Variants in H1-8 observed in about 807,000 individuals in gnomAD.
H1-8 encodes the protein histone H1.8.
H1-8 carries 13 observed loss-of-function variants against 19.5 expected under a neutral mutation model. That is an observed-to-expected ratio of 0.67 (90% CI 0.43 to 1.06). The LOEUF is 1.06. Ranked by LOEUF, H1-8 falls within the 50% of genes least tolerant of loss-of-function variation. The pLI is 0.00. For synonymous variants in H1-8, 193 were observed against 187.6 expected (o/e 1.03, Z -0.24); for missense variants, 432 against 459.8 (o/e 0.94, Z 0.55).
intron 2 of H1-8, 123 bp from the exon 3 acceptor site, chr3:129,548,878 C>T: frequency 1.5e-6 from 2 of 1,307,986 alleles, no homozygotes; most frequent in East Asian, 2.5e-5. Context: ...CTTCTCCCTG[C>T]CTCTCACTGC....
At position 129,547,729 on chromosome 3, in the gene H1-8, T is replaced by C. The variant is rs370395073; in HGVS notation, c.378+49T>C. The C allele has an allele frequency of 1.6e-3, 2,412 of 1,463,092 alleles. 4 individuals carry two copies. Among genetic ancestry groups the C allele is most frequent in the Non-Finnish European group, 2.1e-3 (2,317 of 1,108,696 alleles). The allele number at this position is 1,463,092 out of a possible 1,614,324, so 90.6% of individuals were successfully genotyped here. On this transcript the variant is annotated intron_variant, in intron 2 of 4. Transcript: ENST00000324382. ...TAGCCCAGGGTTGGAGCAATGGTCCTGGCCTCTGTGAGTGCTGCGGCCTCT... is the reference window on the plus strand; with the variant it reads ...TAGCCCAGGGTTGGAGCAATGGTCCCGGCCTCTGTGAGTGCTGCGGCCTCT...
intron 1 of H1-8, among the ~76,000 whole-genome samples, chr3:129,544,818 G>A (rs567056203): frequency 2.6e-5 from 4 of 152,076 alleles, no homozygotes; most frequent in South Asian, 4.1e-4. Context: ...AGAGGCCCCC[G>A]TCCCCACTGT....
intron 2 of H1-8, 30 bp from the exon 3 acceptor site, chr3:129,548,971 C>A (rs1296328478): frequency 6.4e-7 from 1 of 1,565,950 alleles, no homozygotes; most frequent in Admixed American, 1.9e-5. Flanking sequence ...TGAGGCTCTG[C>A]TTTCAGCCCC....
At chr3:129,546,228 G>A (rs752339792) in intron 1 of H1-8, among the ~76,000 whole-genome samples, 17 of 152,016 alleles carry the variant, frequency 1.1e-4, no homozygotes, top group Non-Finnish European at 7.4e-5. Flanking sequence ...GGAGACTGAG[G>A]CAAGAGGATC....
At chr3:129,543,617 C>A (rs1028596873) in intron 1 of H1-8, among the ~76,000 whole-genome samples, 1 of 152,226 alleles carries the variant, frequency 6.6e-6, no homozygotes. Context: ...GACCGTAGCC[C>A]GTAGCCAGGC....
At position 129,549,168 on chromosome 3, in the gene H1-8, G is replaced by A. The variant is rs746217645; in HGVS notation, c.546G>A (p.Lys182=). Residue 182 remains lysine (K), a synonymous_variant, in exon 3 of 5, where the codon AAG becomes AAA. Coordinates refer to ENST00000324382, the MANE Select transcript of H1-8 (RefSeq NM_153833.3). ...AAAAGGCAGCCAAGAGGCCAGCAAA[G>A]GTGCAGAAGCCTCCTCCCAAGCCAG... ...KVKKAAKRPA[K]VQKPPPKPGA... 5.8e-6 allele frequency: 9 copies of A among 1,565,028 alleles called. No individual in the cohort carries two copies. The African/African-American group carries it at 1.2e-4, about 21-fold the overall frequency.
At chr3:129,550,877 C>A in intron 4 of H1-8, 68 bp downstream of exon 4, 1 of 1,395,972 alleles carries the variant, frequency 7.2e-7, no homozygotes, top group Non-Finnish European at 1.0e-6. Context: ...GGGCATCCCA[C>A]ACTCAGCCCC....
At chr3:129,546,044 A>G (rs1428856834) in intron 1 of H1-8, among the ~76,000 whole-genome samples, 4 of 151,912 alleles carry the variant, frequency 2.6e-5, no homozygotes, top group African/African-American at 9.7e-5. Flanking sequence ...TGGGAGACTG[A>G]GGTGGGAAGA....
intron 1 of H1-8, among the ~76,000 whole-genome samples, chr3:129,544,971 G>T (rs183644628): frequency 2.0e-5 from 3 of 151,952 alleles, no homozygotes; most frequent in Non-Finnish European, 4.4e-5. Context: ...CCCAACAGGG[G>T]TCGAAGTGAT....
In H1-8 at chr3:129,549,382, AGGGGGT is replaced by A. The variant is rs763228028; in HGVS notation, c.742+21_742+26del. The A allele has an allele frequency of 1.1e-4, 130 of 1,227,944 alleles. No homozygotes were observed. The African/African-American group carries it at 2.2e-3, about 21-fold the overall frequency. The allele number at this position is 1,227,944 out of a possible 1,614,324, so 76.1% of individuals were successfully genotyped here. On this transcript the variant is annotated intron_variant, in intron 3 of 4. Transcript: ENST00000324382. ...CAGCCAAGGTAGTTGTGTGACTTGT[AGGGGGT>A]GGTGTGGGGATGGGGGTCTTGACAG...
At chr3:129,547,282 G>T (rs1357602378) in intron 1 of H1-8, 109 bp from the exon 2 acceptor site, 3 of 1,144,636 alleles carry the variant, frequency 2.6e-6, no homozygotes, top group Non-Finnish European at 2.4e-6. Context: ...CTTGGGGAGA[G>T]GGGGGCATCT....
Position 129,551,365 on chromosome 3 carries a change from A to C in H1-8, c.*25A>C, listed in dbSNP as rs1578293440. 6.8e-7 allele frequency: 1 copy of C among 1,468,152 alleles called. No homozygotes were observed. Among genetic ancestry groups the C allele is most frequent in the Non-Finnish European group, 9.4e-7 (1 of 1,063,432 alleles). 90.9% of individuals were successfully genotyped at this position (1,468,152 alleles called of 1,614,324 possible). On this transcript the variant is annotated 3_prime_UTR_variant, in exon 5 of 5. Coordinates refer to ENST00000324382, the MANE Select transcript of H1-8 (RefSeq NM_153833.3). The stretch of plus-strand genomic sequence containing the variant: ...GGGCCAGAGGCAGGGGCGGAGAGAG[A>C]CCGAGCCTCTGCCCTAGTTTTTATT...
chr3:129,543,400 C>A, intron 1 of H1-8, 94 bp downstream of exon 1: 1 of 931,694 alleles, frequency 1.1e-6, no homozygotes, highest in Non-Finnish European at 1.7e-6. Flanking sequence ...TCTTTCCCAG[C>A]CTGGCCCCAG....
chr3:129,546,147 A>T (rs1009540169), intron 1 of H1-8, among the ~76,000 whole-genome samples: 1 of 146,704 alleles, frequency 6.8e-6, no homozygotes, highest in Admixed American at 6.9e-5. Flanking sequence ...TAATAATAAT[A>T]ATAATAATAA....
At chr3:129,544,913 T>G (rs1337086041) in intron 1 of H1-8, among the ~76,000 whole-genome samples, 1 of 152,012 alleles carries the variant, frequency 6.6e-6, no homozygotes, top group Admixed American at 6.6e-5. Flanking sequence ...GCTCAACGCC[T>G]TTGGCCCCCA....
chr3:129,550,317 G>C (rs115566666), intron 3 of H1-8, among the ~76,000 whole-genome samples: 3 of 152,118 alleles, frequency 2.0e-5, no homozygotes, highest in African/African-American at 4.8e-5. Context: ...CAGGAGGATC[G>C]CTTGAGCCTG....
chr3:129,551,042 C>T (rs1328881397), intron 4 of H1-8, 65 bp from the exon 5 acceptor site: 20 of 1,428,768 alleles, frequency 1.4e-5, no homozygotes, highest in Non-Finnish European at 1.6e-5. Flanking sequence ...GTACCCAGAG[C>T]CACCCAGAGC....
rs1225064478 is a variant in H1-8 at position 129,550,781 on chromosome 3, G to T, written c.779G>T (p.Ser260Ile). 3 of 1,613,936 alleles carry T rather than the reference G, an allele frequency of 1.9e-6. No individual in the cohort carries two copies. The highest frequency in any genetic ancestry group is 2.5e-6 in the Non-Finnish European group (3 of 1,179,970). ...GCCTACAGGAAAACCAAAGCTGAGA[G>T]TAAGAGTTCAAAACCCACGGCCAGC... is the stretch of plus-strand genomic sequence containing the variant. ...AEAYRKTKAE[S>I]KSSKPTASKV... Residue 260 changes from serine to isoleucine, a missense_variant, in exon 4 of 5, where the codon AGT (serine) becomes ATT (isoleucine). Physicochemically the swap from Ser to Ile is moderately radical, Grantham distance 142 (BLOSUM62 -2). Transcript: ENST00000324382.
At position 129,551,285 on chromosome 3, in the gene H1-8, G is replaced by C; in HGVS notation, c.986G>C (p.Gly329Ala). 1.2e-6 allele frequency: 2 copies of C among 1,614,082 alleles called. No homozygotes were observed. Among genetic ancestry groups the C allele is most frequent in the Admixed American group, 1.7e-5 (1 of 60,028 alleles). Residue 329 changes from glycine to alanine, a missense_variant, in exon 5 of 5, where the codon GGG (glycine) becomes GCG (alanine). By Grantham distance (60) the Gly-to-Ala change is moderately conservative (BLOSUM62 0). Coordinates refer to ENST00000324382, the MANE Select transcript of H1-8 (RefSeq NM_153833.3). The part of the protein sequence containing the change: ...TEAPKGPRKA[G>A]LPIKASSSKV... ...GCCCCCAAGGGCCCTAGAAAGGCTG[G>C]GCTGCCCATCAAGGCCTCATCATCC...
Sources: gnomAD v4.1 joint callset for allele counts (sites outside exome capture counted in the v4.1 genomes callset) on GRCh38, gnomAD v4.1.1 for gene constraint, MANE v1.5 for transcripts, NCBI Gene and HGNC (gene_info 2026-07-23, HGNC 2026-07-21) for gene names.